SORBS2: variants seen among roughly 807,000 people sequenced by gnomAD.
The protein encoded by SORBS2 is sorbin and SH3 domain containing 2, also known as sorbin and SH3 domain-containing protein 2.
A neutral mutation model predicts 97.7 loss-of-function variants in SORBS2; 46 were observed. The ratio of observed to expected loss-of-function variants is 0.47; its 90% CI spans 0.37 to 0.60. SORBS2 has a LOEUF of 0.60. Ranked by LOEUF, SORBS2 falls within the 20% of genes least tolerant of loss-of-function variation. The probability of loss-of-function intolerance (pLI) is 0.00; values close to 1 mark genes in which losing one functional copy is unlikely to be tolerated. For synonymous variants in SORBS2, 476 were observed against 473.4 expected, an observed-to-expected ratio of 1.01 and a Z score of -0.07; for missense variants, 1,316 against 1,282.3, an observed-to-expected ratio of 1.03 and a Z score of -0.40.
intron 1 of SORBS2, among the ~76,000 whole-genome samples, chr4:185,886,095 C>G (rs1349131400): frequency 2.6e-5 from 4 of 152,150 alleles, no homozygotes; most frequent in Admixed American, 1.3e-4. Context: ...ACATAGCAAG[C>G]CCCTGGGCGA....
intron 2 of SORBS2, among the ~76,000 whole-genome samples, chr4:185,698,296 C>T (rs943106924): frequency 6.6e-6 from 1 of 152,044 alleles, no homozygotes; most frequent in Non-Finnish European, 1.5e-5. Flanking sequence ...GCCAACATGA[C>T]GAAACCCCTG....
chr4:185,614,714 C>G, intron 11 of SORBS2, 117 bp downstream of exon 23: 1 of 1,284,008 alleles, frequency 7.8e-7, no homozygotes, highest in Non-Finnish European at 1.1e-6. Flanking sequence ...ATAGGGTAAA[C>G]ATAAAAATGT....
At chr4:185,782,178 G>A (rs1368493674) in intron 1 of SORBS2, among the ~76,000 whole-genome samples, 1 of 152,236 alleles carries the variant, frequency 6.6e-6, no homozygotes, top group East Asian at 1.9e-4. Flanking sequence ...GAAATAAAAA[G>A]TATCTGATCA....
chr4:185,876,768 T>C (rs1280943299), intron 1 of SORBS2, among the ~76,000 whole-genome samples: 2 of 152,226 alleles, frequency 1.3e-5, no homozygotes, highest in South Asian at 4.1e-4. Flanking sequence ...TATTGGCTTA[T>C]TTAAATGCAC....
intron 1 of SORBS2, among the ~76,000 whole-genome samples, chr4:185,813,765 A>G (rs13122557): frequency 0.99 from 150,482 of 152,274 alleles, 74,381 homozygotes; most frequent in Middle Eastern, 1. Context: ...CACCTCACTC[A>G]TGACTCTCCC....
chr4:185,624,757 G>A (rs1183304580), intron 6 of SORBS2, among the ~76,000 whole-genome samples: 2 of 152,134 alleles, frequency 1.3e-5, no homozygotes, highest in Admixed American at 6.5e-5. Flanking sequence ...AGCAACCGAC[G>A]TAAGCAAATA....
chr4:185,721,492 A>G (rs1256865741), intron 2 of SORBS2, among the ~76,000 whole-genome samples: 1 of 152,188 alleles, frequency 6.6e-6, no homozygotes, highest in African/African-American at 2.4e-5. Context: ...TGGTAGCAGA[A>G]CTGGAGCCCC....
At chr4:185,798,030 G>A (rs2099113827) in intron 1 of SORBS2, among the ~76,000 whole-genome samples, 1 of 152,258 alleles carries the variant, frequency 6.6e-6, no homozygotes, top group East Asian at 1.9e-4. Flanking sequence ...CAGTCACCAA[G>A]AGTAGCAAGT....
chr4:185,630,493 T>C (rs2096889240), intron 5 of SORBS2, 56 bp downstream of exon 17: 1 of 1,112,308 alleles, frequency 9.0e-7, no homozygotes, highest in Non-Finnish European at 1.3e-6. Context: ...AATTTTATTG[T>C]TGAAAAAGAA....
At chr4:185,683,152 T>C (rs1456224607) in intron 2 of SORBS2, among the ~76,000 whole-genome samples, 1 of 152,180 alleles carries the variant, frequency 6.6e-6, no homozygotes, top group South Asian at 2.1e-4. Flanking sequence ...ATATGCCTAG[T>C]GATAGAAAAC....
intron 1 of SORBS2, among the ~76,000 whole-genome samples, chr4:185,795,226 A>T (rs973824070): frequency 7.9e-5 from 12 of 152,310 alleles, no homozygotes; most frequent in Admixed American, 4.6e-4. Flanking sequence ...CTTGTTGGGT[A>T]AATTTCAACA....
chr4:185,848,208 C>G (rs1441359711), intron 1 of SORBS2, among the ~76,000 whole-genome samples: 2 of 152,152 alleles, frequency 1.3e-5, no homozygotes, highest in Admixed American at 6.5e-5. Context: ...GGATCCAGGT[C>G]AAGTCTGTAG....
intron 4 of SORBS2, among the ~76,000 whole-genome samples, chr4:185,669,990 G>A (rs751055810): frequency 2.2e-4 from 33 of 152,118 alleles, no homozygotes; most frequent in South Asian, 1.2e-3. Flanking sequence ...AGGCTGAGGC[G>A]GGCAGATCAC....
chr4:185,752,433 A>G lies in SORBS2; in HGVS notation c.-198+22794T>C, dbSNP rs532035200. On this transcript the variant is annotated intron_variant, in intron 2 of 20. Transcript: ENST00000284776. The stretch of plus-strand genomic sequence containing the variant: ...TTGGACTACAGGCGCCCGCCACCAC[A>G]CCCAGCTAATTTTTTGTATTTTTTA... Among the ~76,000 whole-genome samples, 575 of 151,970 alleles carry G rather than the reference A, an allele frequency of 3.8e-3. 1 individual carries two copies. The highest frequency in any genetic ancestry group is 6.5e-3 in the Non-Finnish European group (445 of 67,958).
chr4:185,810,829 G>A (rs2099178062), intron 1 of SORBS2: 1 of 152,198 alleles, frequency 6.6e-6, no homozygotes, highest in Non-Finnish European at 1.5e-5. Context: ...GCAAGTATGA[G>A]CGCAGATTTG....
At position 185,753,120 on chromosome 4, in the gene SORBS2, G is replaced by A. The variant is rs562589611; in HGVS notation, c.-198+22107C>T. Among the ~76,000 whole-genome samples, 13 of 152,344 alleles carry A rather than the reference G, an allele frequency of 8.5e-5. No homozygotes were observed. In the East Asian group the frequency reaches 1.7e-3, roughly 20 times the overall value. ...TTAGCCATAAACAATTTCCATCTGA[G>A]GAAGTGCATTCAGTGCAGCTGCTGA... On this transcript the variant is annotated intron_variant, in intron 2 of 20. Transcript: ENST00000284776.
chr4:185,847,369 G>A (rs1258830563), intron 1 of SORBS2, among the ~76,000 whole-genome samples: 1 of 152,122 alleles, frequency 6.6e-6, no homozygotes, highest in East Asian at 1.9e-4. Flanking sequence ...CTTTTGGATT[G>A]GTGCACCAAA....
chr4:185,939,708 T>C (rs1324044139), intron 1 of SORBS2, among the ~76,000 whole-genome samples: 1 of 152,100 alleles, frequency 6.6e-6, no homozygotes, highest in Non-Finnish European at 1.5e-5. Context: ...GGGTTTCTCC[T>C]AAAGTTGGTC....
At chr4:185,670,434 G>A (rs2097695476) in intron 4 of SORBS2, among the ~76,000 whole-genome samples, 1 of 152,006 alleles carries the variant, frequency 6.6e-6, no homozygotes, top group South Asian at 2.1e-4. Flanking sequence ...TGGCCCTGAG[G>A]TCAAGGATCC....
Sources: gnomAD v4.1 joint callset for allele counts (sites outside exome capture counted in the v4.1 genomes callset) on GRCh38, gnomAD v4.1.1 for gene constraint, MANE v1.5 for transcripts, NCBI Gene and HGNC (gene_info 2026-07-23, HGNC 2026-07-21) for gene names.